Variants in FMNL3 observed in about 807,000 individuals in gnomAD.
FMNL3 encodes the protein formin like 3, also known as formin-like protein 3.
In FMNL3, 57 loss-of-function variants were observed where a neutral mutation model predicts 119.6. That is an observed-to-expected ratio of 0.48 (90% CI 0.39 to 0.59). The LOEUF is 0.59. Among genes scored for constraint, FMNL3 ranks in the 20% least tolerant of loss-of-function variants. The pLI is 0.00. For synonymous variants in FMNL3, 491 were observed against 507.3 expected (o/e 0.97, Z 0.43); for missense variants, 1,053 against 1,323.5 (o/e 0.80, Z 3.17).
At chr12:49,650,181 C>T (rs1030763287) in intron 17 of FMNL3, among the ~76,000 whole-genome samples, 1 of 152,192 alleles carries the variant, frequency 6.6e-6, no homozygotes, top group Non-Finnish European at 1.5e-5. Context: ...GCATGGCTTA[C>T]GAGGTCCAGC....
chr12:49,648,362 CA>C lies in FMNL3; in HGVS notation c.2516-10del. 1 of 1,607,386 alleles carries C rather than the reference CA, an allele frequency of 6.2e-7. No homozygotes were observed. Among genetic ancestry groups the C allele is most frequent in the Non-Finnish European group, 8.5e-7 (1 of 1,175,646 alleles). On this transcript the variant is annotated splice_polypyrimidine_tract_variant and intron_variant, in intron 21 of 25. Transcript: ENST00000335154. ...CACGTTCTCCAGGGACACTGGTCACCAAAAGCCTGGCTGAGGAATGCCTAGG... is the reference window on the plus strand; with the variant it reads ...CACGTTCTCCAGGGACACTGGTCACCAAAGCCTGGCTGAGGAATGCCTAGG...
intron 1 of FMNL3, among the ~76,000 whole-genome samples, chr12:49,698,185 G>A (rs1944803508): frequency 6.6e-6 from 1 of 152,140 alleles, no homozygotes; most frequent in Admixed American, 6.5e-5. Flanking sequence ...AAACAGGGGA[G>A]AAACAAAGTA....
In FMNL3 at chr12:49,642,126, A is replaced by G. The variant is rs1420039396; in HGVS notation, c.*3689T>C. The G allele has an allele frequency of 5.6e-6, 9 of 1,602,686 alleles. No homozygotes were observed. The highest frequency in any genetic ancestry group is 1.7e-6 in the Non-Finnish European group (2 of 1,172,136). Reference sequence around the variant, plus strand: ...ACTGACTATATTCCCAATTCAGGGGATGGTGGTAGAAGCCCAGACCCTAAC... The same window carrying G: ...ACTGACTATATTCCCAATTCAGGGGGTGGTGGTAGAAGCCCAGACCCTAAC... On this transcript the variant is annotated 3_prime_UTR_variant, in exon 26 of 26. Coordinates refer to ENST00000335154, the MANE Select transcript of FMNL3 (RefSeq NM_175736.5). This position sits in a 1 kb window ranked among gnomAD's most constrained non-coding sequence, Gnocchi z 5.8.
intron 1 of FMNL3, among the ~76,000 whole-genome samples, chr12:49,691,565 C>T (rs1218218193): frequency 6.6e-6 from 1 of 152,186 alleles, no homozygotes; most frequent in East Asian, 1.9e-4. Flanking sequence ...AATACAGCTT[C>T]AGCGCAAAAG....
At chr12:49,689,249 A>G (rs1051365295) in intron 1 of FMNL3, among the ~76,000 whole-genome samples, 2 of 152,232 alleles carry the variant, frequency 1.3e-5, no homozygotes, top group African/African-American at 4.8e-5. Flanking sequence ...ACATGGGATC[A>G]TTTTCTATCC....
At chr12:49,674,355 A>G (rs1386764681) in intron 1 of FMNL3, among the ~76,000 whole-genome samples, 1 of 152,178 alleles carries the variant, frequency 6.6e-6, no homozygotes, top group African/African-American at 2.4e-5. Context: ...AGGGGCAAAC[A>G]CTTCAGCTGT....
chr12:49,680,147 G>C (rs1290684353), intron 1 of FMNL3, among the ~76,000 whole-genome samples: 1 of 152,242 alleles, frequency 6.6e-6, no homozygotes, highest in African/African-American at 2.4e-5. Flanking sequence ...TGCCCAAAGA[G>C]ACAGCAGAGG....
At position 49,638,886 on chromosome 12, in the gene FMNL3, G is replaced by A. The variant is rs1290140705; in HGVS notation, c.*6929C>T. 6.6e-6 allele frequency: 1 copy of A among 152,210 alleles called. No individual in the cohort carries two copies. The highest frequency in any genetic ancestry group is 1.5e-5 in the Non-Finnish European group (1 of 68,020). 9.4% of individuals were successfully genotyped at this position (152,210 alleles called of 1,614,324 possible). On this transcript the variant is annotated 3_prime_UTR_variant, in exon 26 of 26. Transcript: ENST00000335154. ...GGGATCTGGAAATAAAGCTAGAAAT[G>A]TCTCACTGCATATACATTTCTTTGA...
intron 1 of FMNL3, among the ~76,000 whole-genome samples, chr12:49,696,974 C>T (rs1380013153): frequency 6.6e-6 from 1 of 152,074 alleles, no homozygotes; most frequent in Non-Finnish European, 1.5e-5. Flanking sequence ...TCAGCAAATC[C>T]AAAAATGGTC....
chr12:49,637,489 A>T lies in FMNL3; in HGVS notation c.*8326T>A. The T allele has an allele frequency of 6.2e-7, 1 of 1,613,432 alleles. No individual in the cohort carries two copies. The highest frequency in any genetic ancestry group is 8.5e-7 in the Non-Finnish European group (1 of 1,179,880). Reference sequence around the variant, plus strand: ...GCTCAGACCTTCCTGGACGAGCTGCATGAGACAGGGCAGCTGCACTCTATG... The same window carrying T: ...GCTCAGACCTTCCTGGACGAGCTGCTTGAGACAGGGCAGCTGCACTCTATG... On this transcript the variant is annotated 3_prime_UTR_variant, in exon 26 of 26. Transcript: ENST00000335154.
At chr12:49,692,054 A>G (rs1320523809) in intron 1 of FMNL3, among the ~76,000 whole-genome samples, 1 of 148,888 alleles carries the variant, frequency 6.7e-6, no homozygotes, top group Admixed American at 6.6e-5. Context: ...AAAAAAAAAA[A>G]AAAAAAAGTT....
chr12:49,643,681 CTA>C lies in FMNL3; in HGVS notation c.*2132_*2133del. 1.2e-6 allele frequency: 2 copies of C among 1,611,998 alleles called. No homozygotes were observed. The highest frequency in any genetic ancestry group is 2.2e-5 in the South Asian group (2 of 90,644). On this transcript the variant is annotated 3_prime_UTR_variant, in exon 26 of 26. Transcript: ENST00000335154. ...CTGTTGGGACTTAGTAGGGATTTTT[CTA>C]TCTCTAGATCATGGCCTTCGGAAAG... is the stretch of plus-strand genomic sequence containing the variant.
rs1283408855 is a variant in FMNL3 at position 49,643,935 on chromosome 12, C to T, written c.*1880G>A. 1 of 1,614,168 alleles carries T rather than the reference C, an allele frequency of 6.2e-7. No individual in the cohort carries two copies. Among genetic ancestry groups the T allele is most frequent in the South Asian group, 1.1e-5 (1 of 91,078 alleles). On this transcript the variant is annotated 3_prime_UTR_variant, in exon 26 of 26. Coordinates refer to ENST00000335154, the MANE Select transcript of FMNL3 (RefSeq NM_175736.5). ...GCGATGAGAAAGAACAAGAACAGGA[C>T]AAGGACAGGGAGCTCCAACAGGCAG...
At chr12:49,667,519 C>A (rs1465340662) in intron 2 of FMNL3, among the ~76,000 whole-genome samples, 1 of 152,192 alleles carries the variant, frequency 6.6e-6, no homozygotes, top group Non-Finnish European at 1.5e-5. Context: ...TGGAACAGAA[C>A]AGTTAACACA....
chr12:49,681,419 G>T (rs1410142192), intron 1 of FMNL3, among the ~76,000 whole-genome samples: 1 of 152,106 alleles, frequency 6.6e-6, no homozygotes, highest in South Asian at 2.1e-4. Flanking sequence ...TTGATCTCCT[G>T]TCCTCATGAT....
rs776453763 is a variant in FMNL3, at chr12:49,647,813, G to C, written c.2677-9C>G. 6.2e-7 allele frequency: 1 copy of C among 1,610,166 alleles called. No homozygotes were observed. The highest frequency in any genetic ancestry group is 8.5e-7 in the Non-Finnish European group (1 of 1,176,496). On this transcript the variant is annotated splice_polypyrimidine_tract_variant and intron_variant, in intron 22 of 25. Transcript: ENST00000335154. This position sits in a 1 kb window ranked among gnomAD's most constrained non-coding sequence, Gnocchi z 4.9. ...ACTGCATTGTAGGCCTCCTGGGGAA[G>C]GGGTGGGCAGAATGGGTCACCCTGG...
chr12:49,668,695 G>T, intron 1 of FMNL3, 141 bp from the exon 2 acceptor site: 2 of 660,538 alleles, frequency 3.0e-6, no homozygotes, highest in Non-Finnish European at 5.2e-6. Flanking sequence ...GGCTTGGAAA[G>T]GTAGAACAGT....
At chr12:49,670,209 T>C (rs980802164) in intron 1 of FMNL3, among the ~76,000 whole-genome samples, 2 of 152,238 alleles carry the variant, frequency 1.3e-5, no homozygotes, top group Non-Finnish European at 2.9e-5. Flanking sequence ...AGGAGTCACA[T>C]AGGCCCTGCA....
Position 49,653,966 on chromosome 12 carries a change from G to A in FMNL3, c.1072-92C>T, listed in dbSNP as rs901148669. Reference sequence around the variant, plus strand: ...AAAGTCTTAGTCCTCATCCCCCTTCGCCACCACTTCCCAAAGAGTTCCTGC... The same window carrying A: ...AAAGTCTTAGTCCTCATCCCCCTTCACCACCACTTCCCAAAGAGTTCCTGC... On this transcript the variant is annotated intron_variant, in intron 11 of 25. Transcript: ENST00000335154. The A allele has an allele frequency of 4.7e-6, 7 of 1,483,642 alleles. No homozygotes were observed. The highest frequency in any genetic ancestry group is 3.5e-4 in the Middle Eastern group (2 of 5,678). 91.9% of individuals were successfully genotyped at this position (1,483,642 alleles called of 1,614,324 possible).
Sources: allele counts gnomAD v4.1 joint callset (sites outside exome capture counted in the v4.1 genomes callset), GRCh38; gene constraint gnomAD v4.1.1; non-coding constraint Gnocchi (gnomAD v3.1); transcripts MANE v1.5; gene names NCBI Gene and HGNC (gene_info 2026-07-23, HGNC 2026-07-21).